Variants in MRPS17 observed in about 807,000 individuals in gnomAD.
MRPS17 encodes the protein small ribosomal subunit protein uS17m.
A neutral mutation model predicts 11.3 loss-of-function variants in MRPS17; 6 were observed. The ratio of observed to expected loss-of-function variants is 0.53; its 90% CI spans 0.29 to 1.05. The LOEUF (loss-of-function observed/expected upper bound fraction) is 1.05, where lower values mean the gene tolerates loss of function less well. Ranked by LOEUF, MRPS17 falls within the 50% of genes least tolerant of loss-of-function variation. The pLI is 0.08. For synonymous variants in MRPS17, 56 were observed against 60.4 expected, an observed-to-expected ratio of 0.93 and a Z score of 0.34; for missense variants, 139 against 153.6, an observed-to-expected ratio of 0.90 and a Z score of 0.50.
chr7:55,953,053 T>C, intron 1 of MRPS17, 126 bp from the exon 2 acceptor site: 2 of 1,067,584 alleles, frequency 1.9e-6, no homozygotes, highest in Non-Finnish European at 2.7e-6. Flanking sequence ...AACAAAACTG[T>C]TTCTGGGTGG....
At chr7:55,954,722 G>A (rs1246050366) in intron 2 of MRPS17, among the ~76,000 whole-genome samples, 187 bp from the exon 3 acceptor site, 1 of 152,190 alleles carries the variant, frequency 6.6e-6, no homozygotes, top group African/African-American at 2.4e-5. Flanking sequence ...AACAGAGCGA[G>A]AATCCATCTC....
At chr7:55,952,900 C>T (rs1228534110) in intron 1 of MRPS17, among the ~76,000 whole-genome samples, 1 of 143,740 alleles carries the variant, frequency 7.0e-6, no homozygotes, top group East Asian at 2.1e-4. Flanking sequence ...GGCGTTGTGG[C>T]GGGCGCCTGT....
chr7:55,952,643 A>G (rs1199495725), intron 1 of MRPS17, among the ~76,000 whole-genome samples: 4 of 146,116 alleles, frequency 2.7e-5, no homozygotes, highest in Middle Eastern at 3.9e-3. Context: ...GCTGAGGGAG[A>G]AGAATCGCTT....
In MRPS17 at chr7:55,955,885, T is replaced by A. The variant is rs1786720678; in HGVS notation, c.*707T>A. On this transcript the variant is annotated 3_prime_UTR_variant, in exon 3 of 3. Transcript: ENST00000285298. ...GCTCTAGCATCTTTCCACCCCAGCC[T>A]TCTGAGTAGCTGGGAACACAGGAGC... is the stretch of plus-strand genomic sequence containing the variant. 1 of 152,298 alleles carries A rather than the reference T, an allele frequency of 6.6e-6. No individual in the cohort carries two copies. Among genetic ancestry groups the A allele is most frequent in the Admixed American group, 6.6e-5 (1 of 15,254 alleles). 9.4% of individuals were successfully genotyped at this position (152,298 alleles called of 1,614,324 possible).
intron 2 of MRPS17, 114 bp downstream of exon 2, chr7:55,953,432 A>G: frequency 6.9e-7 from 1 of 1,458,274 alleles, no homozygotes; most frequent in Non-Finnish European, 9.2e-7. Context: ...ATCTGCTTTG[A>G]GCCAGGCATT....
At chr7:55,953,055 T>C in intron 1 of MRPS17, 124 bp from the exon 2 acceptor site, 1 of 1,078,940 alleles carries the variant, frequency 9.3e-7, no homozygotes. Context: ...CAAAACTGTT[T>C]CTGGGTGGAG....
At position 55,955,767 on chromosome 7, in the gene MRPS17, T is replaced by C. The variant is rs1786719169; in HGVS notation, c.*589T>C. On this transcript the variant is annotated 3_prime_UTR_variant, in exon 3 of 3. Coordinates refer to ENST00000285298, the MANE Select transcript of MRPS17 (RefSeq NM_015969.3). ...TAGCAAGCTCACTGTTTTAGAAGGTTTTATTTTTGTCTTTTGAGACAGGGT... is the reference window on the plus strand; with the variant it reads ...TAGCAAGCTCACTGTTTTAGAAGGTCTTATTTTTGTCTTTTGAGACAGGGT... 6.7e-6 allele frequency: 1 copy of C among 148,978 alleles called. No individual in the cohort carries two copies. Among genetic ancestry groups the C allele is most frequent in the African/African-American group, 2.5e-5 (1 of 39,906 alleles). The allele number at this position is 148,978 out of a possible 1,614,324, so 9.2% of individuals were successfully genotyped here.
chr7:55,953,395 T>A, intron 2 of MRPS17, 77 bp downstream of exon 2: 1 of 1,569,430 alleles, frequency 6.4e-7, no homozygotes, highest in South Asian at 1.2e-5. Flanking sequence ...AAAACATTTA[T>A]CTCTCAGTAA....
rs35194140 is a variant in MRPS17, at chr7:55,955,600, ATTTTTTTT to A, written c.*434_*441del. ...AGGCGCCTGCCACCATGCCCAGCTA[ATTTTTTTT>A]TTTTTTTTTTTGGTATTTTTAGTAG... On this transcript the variant is annotated 3_prime_UTR_variant, in exon 3 of 3. Transcript: ENST00000285298. The A allele has an allele frequency of 2.2e-5, 3 of 137,122 alleles. No homozygotes were observed. The South Asian group carries it at 6.8e-4, about 31-fold the overall frequency. 8.5% of individuals were successfully genotyped at this position (137,122 alleles called of 1,614,324 possible). A position where few individuals can be genotyped will look rare whatever the true frequency, so the allele number is the denominator to read the frequency against.
rs1786672922 is a variant in MRPS17 at position 55,953,174 on chromosome 7, T to C, written c.-17-5T>C. 6 of 1,613,260 alleles carry C rather than the reference T, an allele frequency of 3.7e-6. No individual in the cohort carries two copies. The highest frequency in any genetic ancestry group is 5.1e-6 in the Non-Finnish European group (6 of 1,179,860). ...GAATATGAGACTTTGGAATTTGCTT[T>C]TCAGGTGACCAAAGCCACGTAATGT... is the stretch of plus-strand genomic sequence containing the variant. On this transcript the variant is annotated splice_region_variant and splice_polypyrimidine_tract_variant and intron_variant, in intron 1 of 2. Coordinates refer to ENST00000285298, the MANE Select transcript of MRPS17 (RefSeq NM_015969.3).
In MRPS17 at chr7:55,955,032, G is replaced by A; in HGVS notation, c.247G>A (p.Glu83Lys). 6.2e-7 allele frequency: 1 copy of A among 1,614,174 alleles called. No homozygotes were observed. Among genetic ancestry groups the A allele is most frequent in the Non-Finnish European group, 8.5e-7 (1 of 1,180,038 alleles). ...AAAGCATGTGAAACATGAACTGGCT[G>A]AGATCGTTTTCAAAGTTGGAAAAGT... is the stretch of plus-strand genomic sequence containing the variant. ...RAKHVKHELAEIVFKVGKVID... is the reference protein window; with the variant it reads ...RAKHVKHELAKIVFKVGKVID... Residue 83 changes from glutamate (E) to lysine (K), a missense_variant, in exon 3 of 3, where the codon GAG becomes AAG. Transcript: ENST00000285298.
intron 1 of MRPS17, among the ~76,000 whole-genome samples, chr7:55,952,767 C>T (rs1479703702): frequency 6.6e-6 from 1 of 151,122 alleles, no homozygotes; most frequent in Non-Finnish European, 1.5e-5. Context: ...CGCGGTGGCT[C>T]ACGCCTGTAA....
At chr7:55,952,051 G>T (rs1360777599) in intron 1 of MRPS17, 121 bp downstream of exon 1, 1 of 151,962 alleles carries the variant, frequency 6.6e-6, no homozygotes, top group Non-Finnish European at 1.5e-5. Context: ...GTCTGACCTC[G>T]GGGTTGTCTG....
At chr7:55,952,539 A>G (rs371585843) in intron 1 of MRPS17, among the ~76,000 whole-genome samples, 55 of 150,750 alleles carry the variant, frequency 3.6e-4, no homozygotes, top group African/African-American at 1.3e-3. Flanking sequence ...GTTCGAGACC[A>G]GTCTGGCCAA....
At chr7:55,953,339 C>G (rs371971455) in intron 2 of MRPS17, 21 bp downstream of exon 2, 4 of 1,611,710 alleles carry the variant, frequency 2.5e-6, no homozygotes, top group Non-Finnish European at 2.5e-6. Context: ...TTCTTGTTTC[C>G]GGGTGGCTTT....
rs761565736 is a variant in MRPS17 at position 55,955,229 on chromosome 7, T to C, written c.*51T>C. The C allele has an allele frequency of 6.4e-7, 1 of 1,558,594 alleles. No individual in the cohort carries two copies. Among genetic ancestry groups the C allele is most frequent in the Non-Finnish European group, 8.7e-7 (1 of 1,154,124 alleles). ...GGGAAAAACTGACATGTTTATGTTA[T>C]GGAAAAAGAAATTTTTCTAAGTTTC... is the stretch of plus-strand genomic sequence containing the variant. On this transcript the variant is annotated 3_prime_UTR_variant, in exon 3 of 3. Coordinates refer to ENST00000285298, the MANE Select transcript of MRPS17 (RefSeq NM_015969.3).
rs1786717733 is a variant in MRPS17, at chr7:55,955,676, T to TGACCTCGTGATCTGCC, written c.*499_*514dup. 1 of 156,610 alleles carries TGACCTCGTGATCTGCC rather than the reference T, an allele frequency of 6.4e-6. No individual in the cohort carries two copies. The highest frequency in any genetic ancestry group is 1.4e-5 in the Non-Finnish European group (1 of 71,488). 9.7% of individuals were successfully genotyped at this position (156,610 alleles called of 1,614,324 possible). On this transcript the variant is annotated 3_prime_UTR_variant, in exon 3 of 3. Transcript: ENST00000285298. ...GTTAGCCAGGATGGTCTTGATCTCC[T>TGACCTCGTGATCTGCC]GACCTCGTGATCTGCCTGCCTTGGC...
At position 55,956,109 on chromosome 7, in the gene MRPS17, A is replaced by G. The variant is rs1786723185; in HGVS notation, c.*931A>G. The G allele has an allele frequency of 6.6e-6, 1 of 150,674 alleles. No homozygotes were observed. The highest frequency in any genetic ancestry group is 1.5e-5 in the Non-Finnish European group (1 of 67,860). The allele number at this position is 150,674 out of a possible 1,614,324, so 9.3% of individuals were successfully genotyped here. Reference sequence around the variant, plus strand: ...ATTTTGAATTTATCTTAGAACCTTTATTTTGAAGGAAGAAAGTCTTTTTTT... The same window carrying G: ...ATTTTGAATTTATCTTAGAACCTTTGTTTTGAAGGAAGAAAGTCTTTTTTT... On this transcript the variant is annotated 3_prime_UTR_variant, in exon 3 of 3. Coordinates refer to ENST00000285298, the MANE Select transcript of MRPS17 (RefSeq NM_015969.3).
intron 1 of MRPS17, 91 bp from the exon 2 acceptor site, chr7:55,953,088 C>A (rs1786671151): frequency 1.4e-6 from 2 of 1,412,688 alleles, no homozygotes; most frequent in Admixed American, 4.6e-5. Context: ...AAGAAAAAAA[C>A]TGTTTCTGGA....
Sources: gnomAD v4.1 joint callset for allele counts (sites outside exome capture counted in the v4.1 genomes callset) on GRCh38, gnomAD v4.1.1 for gene constraint, MANE v1.5 for transcripts, NCBI Gene and HGNC (gene_info 2026-07-23, HGNC 2026-07-21) for gene names.